Variants in FSHR observed in about 807,000 individuals in gnomAD.
FSHR encodes follicle stimulating hormone receptor.
A neutral mutation model predicts 52.1 loss-of-function variants in FSHR; 46 were observed. That is an observed-to-expected ratio of 0.88 (90% CI 0.70 to 1.13). The LOEUF (loss-of-function observed/expected upper bound fraction) is 1.13. Ranked by LOEUF, FSHR falls within the 50% of genes most tolerant of loss-of-function variation. The pLI is 0.00. For missense variants in FSHR, 964 were observed against 834.6 expected (o/e 1.16, Z -1.91); for synonymous variants, 399 against 309.6 (o/e 1.29, Z -3.03).
chr2:49,110,376 A>G (rs1038913980), intron 1 of FSHR, among the ~76,000 whole-genome samples: 13 of 152,272 alleles, frequency 8.5e-5, no homozygotes, highest in Admixed American at 3.3e-4. Context: ...ACTACTTAAT[A>G]TACTGTCTCT....
At chr2:49,142,263 A>G (rs1183021908) in intron 1 of FSHR, among the ~76,000 whole-genome samples, 2 of 152,230 alleles carry the variant, frequency 1.3e-5, no homozygotes, top group African/African-American at 4.8e-5. Context: ...TTTATGTGCT[A>G]TTATAGTGGA....
chr2:49,097,768 G>C (rs1037171155), intron 1 of FSHR, among the ~76,000 whole-genome samples: 1 of 152,158 alleles, frequency 6.6e-6, no homozygotes, highest in Non-Finnish European at 1.5e-5. Context: ...AACTAGAAAA[G>C]TAAGTTTTAA....
At chr2:49,149,777 G>T (rs1480701033) in intron 1 of FSHR, among the ~76,000 whole-genome samples, 1 of 151,912 alleles carries the variant, frequency 6.6e-6, no homozygotes, top group Non-Finnish European at 1.5e-5. Flanking sequence ...GTAAGCCAAA[G>T]AAAGAAAATA....
At chr2:49,074,662 T>C (rs543118770) in intron 1 of FSHR, among the ~76,000 whole-genome samples, 1 of 152,260 alleles carries the variant, frequency 6.6e-6, no homozygotes, top group Admixed American at 6.5e-5. Context: ...CCAGCAATCC[T>C]ACTACTTAGA....
intron 2 of FSHR, among the ~76,000 whole-genome samples, chr2:49,036,051 G>A (rs184145557): frequency 6.6e-6 from 1 of 152,168 alleles, no homozygotes; most frequent in Non-Finnish European, 1.5e-5. Flanking sequence ...TGGATAGGTA[G>A]ATATAGATAC....
intron 1 of FSHR, among the ~76,000 whole-genome samples, chr2:49,111,041 G>A (rs891959891): frequency 6.6e-6 from 1 of 152,266 alleles, no homozygotes; most frequent in African/African-American, 2.4e-5. Flanking sequence ...CTTTATGTAT[G>A]GCCTGTGGCC....
chr2:49,134,486 C>A (rs1460365516), intron 1 of FSHR, among the ~76,000 whole-genome samples: 1 of 152,178 alleles, frequency 6.6e-6, no homozygotes. Context: ...ACTAGTTCAA[C>A]CATTGTGGAA....
At chr2:49,076,960 C>T (rs185669734) in intron 1 of FSHR, among the ~76,000 whole-genome samples, 18 of 152,298 alleles carry the variant, frequency 1.2e-4, no homozygotes, top group Admixed American at 7.2e-4. Context: ...TGTGGCTTTG[C>T]AGGGTACAGC....
intron 1 of FSHR, among the ~76,000 whole-genome samples, chr2:49,126,479 C>T (rs1672001242): frequency 1.3e-5 from 2 of 152,136 alleles, no homozygotes; most frequent in African/African-American, 4.8e-5. Context: ...CACTTTATAC[C>T]ATTGTTGCAC....
intron 1 of FSHR, among the ~76,000 whole-genome samples, chr2:49,095,247 T>G (rs865929410): frequency 1.3e-5 from 2 of 152,242 alleles, no homozygotes; most frequent in Middle Eastern, 3.4e-3. Context: ...GCTACAGTAA[T>G]AAGATGTGGT....
chr2:49,152,994 C>T (rs1160343026), intron 1 of FSHR, among the ~76,000 whole-genome samples: 4 of 152,228 alleles, frequency 2.6e-5, no homozygotes, highest in African/African-American at 9.6e-5. Context: ...GCTGTCTAAT[C>T]TGAGACAGTG....
chr2:49,021,135 C>A (rs896145405), intron 2 of FSHR, among the ~76,000 whole-genome samples: 5 of 152,126 alleles, frequency 3.3e-5, no homozygotes, highest in African/African-American at 1.2e-4. Context: ...ATATTTAAAT[C>A]CCTTTCCACT....
At chr2:49,078,732 AG>A (rs1335694512) in intron 1 of FSHR, among the ~76,000 whole-genome samples, 1 of 152,156 alleles carries the variant, frequency 6.6e-6, no homozygotes, top group Admixed American at 6.5e-5. Context: ...TAATCTGATA[AG>A]GGGTAATTCG....
At chr2:49,141,668 G>T (rs775699941) in intron 1 of FSHR, among the ~76,000 whole-genome samples, 3 of 152,150 alleles carry the variant, frequency 2.0e-5, no homozygotes, top group Admixed American at 6.5e-5. Context: ...TACAGGAGAA[G>T]AGTGCAGTGC....
chr2:49,073,739 T>G (rs1040010210), intron 1 of FSHR, among the ~76,000 whole-genome samples: 2 of 152,088 alleles, frequency 1.3e-5, no homozygotes, highest in African/African-American at 4.8e-5. Flanking sequence ...CAAAGCATTC[T>G]AAGCAAAAAG....
At chr2:48,978,591 C>T (rs972638929) in intron 8 of FSHR, among the ~76,000 whole-genome samples, 1 of 152,082 alleles carries the variant, frequency 6.6e-6, no homozygotes, top group Admixed American at 6.5e-5. Flanking sequence ...AACTGTTTCC[C>T]AAAGAAACAG....
At chr2:49,062,993 A>G (rs1266455833) in intron 2 of FSHR, among the ~76,000 whole-genome samples, 1 of 152,208 alleles carries the variant, frequency 6.6e-6, no homozygotes, top group Admixed American at 6.6e-5. Flanking sequence ...AATAGAAGTT[A>G]GTACAGCCAT....
Position 49,132,205 on chromosome 2 carries a change from T to C in FSHR, c.152+22061A>G, listed in dbSNP as rs555413412. On this transcript the variant is annotated intron_variant, in intron 1 of 9. Transcript: ENST00000406846. ...TTTGTTTAGGGTCTCAGTGATTTGCTGTGAAGATGCTGAACTCAGGACTTT... is the reference window on the plus strand; with the variant it reads ...TTTGTTTAGGGTCTCAGTGATTTGCCGTGAAGATGCTGAACTCAGGACTTT... 3.9e-5 allele frequency among the ~76,000 whole-genome samples: 6 copies of C among 152,312 alleles called. No individual in the cohort carries two copies. The South Asian group carries it at 1.2e-3, about 32-fold the overall frequency.
At chr2:49,117,049 C>T (rs17038300) in intron 1 of FSHR, among the ~76,000 whole-genome samples, 2,002 of 152,254 alleles carry the variant, frequency 0.013, 36 homozygotes, top group African/African-American at 0.046. Context: ...GGCCCCAGCA[C>T]TTTGTGAGCC....
Sources: allele counts gnomAD v4.1 joint callset (sites outside exome capture counted in the v4.1 genomes callset), GRCh38; gene constraint gnomAD v4.1.1; transcripts MANE v1.5; gene names NCBI Gene and HGNC (gene_info 2026-07-23, HGNC 2026-07-21).